The following CCDC148 variants were observed in gnomAD, a reference collection of about 807,000 sequenced individuals.
CCDC148 encodes coiled-coil domain containing 148, also known as coiled-coil domain-containing protein 148.
In CCDC148, 89 loss-of-function variants were observed where a neutral mutation model predicts 85.7. The ratio of observed to expected loss-of-function variants is 1.04; its 90% CI spans 0.87 to 1.24. The LOEUF is 1.24. Among genes scored for constraint, CCDC148 ranks in the 50% most tolerant of loss-of-function variants. CCDC148 has a pLI of 0.00. For synonymous variants in CCDC148, 230 were observed against 213.9 expected, an observed-to-expected ratio of 1.08 and a Z score of -0.66; for missense variants, 692 against 671.7, an observed-to-expected ratio of 1.03 and a Z score of -0.33.
chr2:158,400,866 A>AAATCAAAC (rs1298969602), intron 1 of CCDC148, among the ~76,000 whole-genome samples: 1 of 150,762 alleles, frequency 6.6e-6, no homozygotes, highest in Non-Finnish European at 1.5e-5. Flanking sequence ...TTACAAGAAA[A>AAATCAAAC]AACCCCATCA....
intron 1 of CCDC148, among the ~76,000 whole-genome samples, chr2:158,436,161 C>T (rs996421449): frequency 5.1e-4 from 78 of 152,342 alleles, no homozygotes; most frequent in Non-Finnish European, 9.4e-4. Context: ...CACCCCAAAT[C>T]ATCAGAATAT....
rs367793403 is a variant in CCDC148 at position 158,296,351 on chromosome 2, C to G, written c.1110+13082G>C. On this transcript the variant is annotated intron_variant, in intron 9 of 13. Coordinates refer to ENST00000283233, the MANE Select transcript of CCDC148 (RefSeq NM_138803.4). ...TACCCTTTCTTCATTGAACTGACTG[C>G]ATATCTTTGTTGAAAATCAACTGAC... Among the ~76,000 whole-genome samples the G allele has an allele frequency of 9.2e-5, 14 of 152,268 alleles. No homozygotes were observed. The East Asian group carries it at 1.7e-3, about 19-fold the overall frequency.
intron 1 of CCDC148, among the ~76,000 whole-genome samples, chr2:158,442,695 C>T (rs1195616986): frequency 2.0e-5 from 3 of 152,354 alleles, no homozygotes; most frequent in African/African-American, 4.8e-5. Context: ...TGTTGTTCCC[C>T]TGCTTCAGCT....
intron 7 of CCDC148, among the ~76,000 whole-genome samples, chr2:158,329,004 AG>A (rs1692945834): frequency 6.6e-6 from 1 of 152,132 alleles, no homozygotes; most frequent in African/African-American, 2.4e-5. Context: ...GCTGTGCAGA[AG>A]CTCTTTATTT....
At chr2:158,176,374 G>A (rs1684585708) in intron 13 of CCDC148, 147 bp downstream of exon 13, 7 of 676,824 alleles carry the variant, frequency 1.0e-5, no homozygotes, top group Admixed American at 3.4e-5. Flanking sequence ...TAGTAATTAT[G>A]TACTATCATT....
chr2:158,311,546 G>C (rs1007342704), intron 8 of CCDC148, among the ~76,000 whole-genome samples: 2 of 152,106 alleles, frequency 1.3e-5, no homozygotes, highest in Non-Finnish European at 2.9e-5. Context: ...GGAGGAGAGG[G>C]AGAGCTAAAA....
intron 1 of CCDC148, among the ~76,000 whole-genome samples, chr2:158,418,791 T>C (rs1686630614): frequency 1.3e-5 from 2 of 152,134 alleles, no homozygotes; most frequent in Admixed American, 1.3e-4. Context: ...GTCTTATTTA[T>C]CATATATATA....
At chr2:158,201,784 A>G (rs1685977330) in intron 11 of CCDC148, among the ~76,000 whole-genome samples, 2 of 151,918 alleles carry the variant, frequency 1.3e-5, no homozygotes, top group Non-Finnish European at 2.9e-5. Context: ...GGGAGGGGTT[A>G]AAAAAACATT....
chr2:158,173,546 A>G (rs555365311), intron 13 of CCDC148, among the ~76,000 whole-genome samples: 5 of 152,200 alleles, frequency 3.3e-5, no homozygotes, highest in South Asian at 2.1e-4. Context: ...ACAATTGTCT[A>G]GACATAAAGT....
At chr2:158,308,663 T>C (rs1307023884) in intron 9 of CCDC148, among the ~76,000 whole-genome samples, 1 of 152,230 alleles carries the variant, frequency 6.6e-6, no homozygotes, top group East Asian at 1.9e-4. Flanking sequence ...AAGTATGTTA[T>C]ACCTCAATAC....
At chr2:158,323,008 T>C (rs1346393065) in intron 7 of CCDC148, among the ~76,000 whole-genome samples, 1 of 152,148 alleles carries the variant, frequency 6.6e-6, no homozygotes, top group Non-Finnish European at 1.5e-5. Flanking sequence ...TTCATCCAAA[T>C]GTTAGGAAAT....
At chr2:158,374,880 C>T (rs1684592433) in intron 1 of CCDC148, among the ~76,000 whole-genome samples, 1 of 150,304 alleles carries the variant, frequency 6.7e-6, no homozygotes, top group Admixed American at 6.7e-5. Flanking sequence ...ATAACCTAGG[C>T]ACATCCTCCT....
rs569677539 is a variant in CCDC148 at position 158,278,736 on chromosome 2, G to A, written c.1111-27824C>T. Among the ~76,000 whole-genome samples, 12 of 152,388 alleles carry A rather than the reference G, an allele frequency of 7.9e-5. No individual in the cohort carries two copies. The East Asian group carries it at 2.3e-3, about 29-fold the overall frequency. On this transcript the variant is annotated intron_variant, in intron 9 of 13. Transcript: ENST00000283233. Reference sequence around the variant, plus strand: ...CAAAAAGACAGCAGTAACCTCTGCAGAATTAAATGTCCCTGTCTGACAGCT... The same window carrying A: ...CAAAAAGACAGCAGTAACCTCTGCAAAATTAAATGTCCCTGTCTGACAGCT...
At chr2:158,201,824 G>A (rs1022307126) in intron 11 of CCDC148, among the ~76,000 whole-genome samples, 1 of 152,128 alleles carries the variant, frequency 6.6e-6, no homozygotes, top group African/African-American at 2.4e-5. Flanking sequence ...TTTGAATATG[G>A]CTAGATACTA....
At chr2:158,360,583 C>G (rs1683895326) in intron 1 of CCDC148, among the ~76,000 whole-genome samples, 1 of 152,110 alleles carries the variant, frequency 6.6e-6, no homozygotes, top group Non-Finnish European at 1.5e-5. Flanking sequence ...GCAGAGGGGC[C>G]TGACTGTTAG....
At chr2:158,409,364 C>G (rs1461318086) in intron 1 of CCDC148, among the ~76,000 whole-genome samples, 1 of 152,206 alleles carries the variant, frequency 6.6e-6, no homozygotes, top group Non-Finnish European at 1.5e-5. Flanking sequence ...AGGGGTGGAG[C>G]TGCCCAAGGT....
chr2:158,369,267 A>G (rs1486835678), intron 1 of CCDC148, among the ~76,000 whole-genome samples: 2 of 152,086 alleles, frequency 1.3e-5, no homozygotes, highest in South Asian at 2.1e-4. Context: ...TTTGGGCAGT[A>G]TGGCCATTTT....
rs557083513 is a variant in CCDC148 at position 158,403,269 on chromosome 2, C to T, written c.26-44699G>A. On this transcript the variant is annotated intron_variant, in intron 1 of 13. Coordinates refer to ENST00000283233, the MANE Select transcript of CCDC148 (RefSeq NM_138803.4). ...ACTCCAATGATATATGATAGATTCA[C>T]AGTAGATGTTGATATTTCATAAGAA... Among the ~76,000 whole-genome samples, 28 of 151,710 alleles carry T rather than the reference C, an allele frequency of 1.8e-4. No homozygotes were observed. The South Asian group carries it at 5.8e-3, about 32-fold the overall frequency.
At chr2:158,274,775 G>T (rs1370540081) in intron 9 of CCDC148, among the ~76,000 whole-genome samples, 1 of 152,200 alleles carries the variant, frequency 6.6e-6, no homozygotes, top group East Asian at 1.9e-4. Flanking sequence ...AGATTATTCT[G>T]GTGGCTATTT....
Sources: gnomAD v4.1 joint callset for allele counts (sites outside exome capture counted in the v4.1 genomes callset) on GRCh38, gnomAD v4.1.1 for gene constraint, MANE v1.5 for transcripts, NCBI Gene and HGNC (gene_info 2026-07-23, HGNC 2026-07-21) for gene names.